Variants in BCAR3 observed in about 807,000 individuals in gnomAD.
The protein encoded by BCAR3 is BCAR3 adaptor protein, NSP family member.
Under a neutral mutation model 80.1 loss-of-function variants are expected in BCAR3, and 37 were observed. The observed-to-expected ratio is 0.46, with a 90% CI of 0.36 to 0.61. The LOEUF (loss-of-function observed/expected upper bound fraction) is 0.61. Among genes scored for constraint, BCAR3 ranks in the 20% least tolerant of loss-of-function variants. The pLI is 0.00. For synonymous variants in BCAR3, 389 were observed against 418.9 expected (o/e 0.93, Z 0.87); for missense variants, 978 against 1,068.2 (o/e 0.92, Z 1.18).
chr1:93,602,894 G>A lies in BCAR3; in HGVS notation c.358-10501C>T, dbSNP rs531447983. Among the ~76,000 whole-genome samples the A allele has an allele frequency of 1.1e-3, 164 of 152,324 alleles. 1 individual carries two copies. The highest frequency in any genetic ancestry group is 3.6e-3 in the African/African-American group (151 of 41,560). On this transcript the variant is annotated intron_variant, in intron 3 of 11. Transcript: ENST00000260502. ...AAGTAGAACAGAAAGAACAGGAATG[G>A]CACTTGTGGCGATCCTAAAGCCTTG... is the stretch of plus-strand genomic sequence containing the variant.
intron 2 of BCAR3, among the ~76,000 whole-genome samples, chr1:93,779,292 T>C (rs574623233): frequency 1.2e-4 from 19 of 152,310 alleles, no homozygotes; most frequent in African/African-American, 4.6e-4. Flanking sequence ...CATTCATTCA[T>C]TCATTTGCCC....
chr1:93,687,908 C>A (rs1363668845), intron 3 of BCAR3, among the ~76,000 whole-genome samples: 2 of 152,124 alleles, frequency 1.3e-5, no homozygotes, highest in Non-Finnish European at 2.9e-5. Flanking sequence ...AAGCTATCAC[C>A]AAGGAAGATC....
chr1:93,652,715 A>G (rs1415429879), intron 2 of BCAR3, among the ~76,000 whole-genome samples: 2 of 151,858 alleles, frequency 1.3e-5, no homozygotes, highest in African/African-American at 4.8e-5. Context: ...GTGCATCTCT[A>G]CTTGCAACGG....
At chr1:93,575,292 C>G (rs770455213) in intron 8 of BCAR3, among the ~76,000 whole-genome samples, 9 of 152,224 alleles carry the variant, frequency 5.9e-5, no homozygotes, top group Non-Finnish European at 1.0e-4. Context: ...GAAAACTTAA[C>G]AAGATAGTCT....
chr1:93,700,283 C>T (rs1372564254), intron 3 of BCAR3, among the ~76,000 whole-genome samples: 3 of 152,168 alleles, frequency 2.0e-5, no homozygotes, highest in Non-Finnish European at 2.9e-5. Context: ...GCCTCCTCCT[C>T]CTGAGCTCAA....
chr1:93,847,685 T>C (rs906652236), upstream of BCAR3: 6 of 152,146 alleles, frequency 3.9e-5, no homozygotes, highest in Admixed American at 2.6e-4. Flanking sequence ...CCCCCTACAA[T>C]TTATTTTCTG....
rs779816516 is a variant in BCAR3 at position 93,562,365 on chromosome 1, C to T, written c.2354G>A (p.Arg785Gln). Residue 785 changes from arginine to glutamine, a missense_variant, in exon 12 of 12, where the codon CGA becomes CAA. Coordinates refer to ENST00000260502, the MANE Select transcript of BCAR3 (RefSeq NM_003567.4). ...NEICKTEFQM[R>Q]LLWGSKGAQV... ...TGCACCTTTGCTGCCCCATAGCAAT[C>T]GCATTTGAAATTCAGTCTTGCAGAT... is the stretch of plus-strand genomic sequence containing the variant. 5.8e-5 allele frequency: 93 copies of T among 1,613,948 alleles called. No homozygotes were observed. Among genetic ancestry groups the T allele is most frequent in the Non-Finnish European group, 7.3e-5 (86 of 1,180,002 alleles).
chr1:93,696,134 A>C (rs1167598558), intron 3 of BCAR3, among the ~76,000 whole-genome samples: 1 of 151,376 alleles, frequency 6.6e-6, no homozygotes, highest in Admixed American at 6.6e-5. Context: ...TTGACCTCCC[A>C]TGCTCAAGCA....
chr1:93,666,689 A>G (rs534751671), intron 2 of BCAR3, among the ~76,000 whole-genome samples: 27 of 152,360 alleles, frequency 1.8e-4, no homozygotes, highest in African/African-American at 6.3e-4. Flanking sequence ...AATCAGGCAA[A>G]GGCTCGGGGC....
intron 9 of BCAR3, among the ~76,000 whole-genome samples, chr1:93,569,115 C>T (rs1014073227): frequency 6.6e-6 from 1 of 152,196 alleles, no homozygotes; most frequent in African/African-American, 2.4e-5. Flanking sequence ...ACCCTAAAAC[C>T]GGCAAGGCTA....
In BCAR3 at chr1:93,567,311, C is replaced by T. The variant is rs753581756; in HGVS notation, c.2267G>A (p.Ser756Asn). ...TARFMAEAAD[S>N]YRMNAERILA... Reference sequence around the variant, plus strand: ...GATCCTCTCAGCATTCATCCGGTAGCTGTCTGCAGCCTCGGCCATGAATCG... The same window carrying T: ...GATCCTCTCAGCATTCATCCGGTAGTTGTCTGCAGCCTCGGCCATGAATCG... Residue 756 changes from serine to asparagine, a missense_variant, in exon 11 of 12, where the codon AGC becomes AAC. Ser to Asn is a conservative substitution (Grantham distance 46, BLOSUM62 1). Coordinates refer to ENST00000260502, the MANE Select transcript of BCAR3 (RefSeq NM_003567.4). 6.8e-6 allele frequency: 11 copies of T among 1,614,070 alleles called. No individual in the cohort carries two copies. In the South Asian group the frequency reaches 9.9e-5, roughly 14 times the overall value.
At chr1:93,786,393 T>C (rs61581292) in intron 2 of BCAR3, among the ~76,000 whole-genome samples, 20,510 of 152,020 alleles carry the variant, frequency 0.13, 2,169 homozygotes, top group African/African-American at 0.28. Context: ...TCTAACTGGC[T>C]AGCTATGTGA....
At chr1:93,742,036 T>C (rs4847256) in intron 2 of BCAR3, among the ~76,000 whole-genome samples, 76,379 of 152,008 alleles carry the variant, frequency 0.5, 19,864 homozygotes, top group East Asian at 0.73. Context: ...CCACATGGTG[T>C]TTCAGTGTAG....
chr1:93,669,698 G>C (rs191134672), intron 2 of BCAR3, among the ~76,000 whole-genome samples: 1 of 152,192 alleles, frequency 6.6e-6, no homozygotes, highest in Non-Finnish European at 1.5e-5. Flanking sequence ...CAGACATCCC[G>C]ACAACAGGAA....
intron 3 of BCAR3, among the ~76,000 whole-genome samples, chr1:93,621,815 G>C (rs1008541537): frequency 6.6e-6 from 1 of 152,104 alleles, no homozygotes; most frequent in Non-Finnish European, 1.5e-5. Flanking sequence ...CACAGATATC[G>C]TTTCACCTCA....
chr1:93,847,526 C>T (rs61750895), upstream of BCAR3: 14,432 of 152,418 alleles, frequency 0.095, 1,392 homozygotes, highest in African/African-American at 0.24. Context: ...AGCGCGGGGC[C>T]GTCGCCTCTG....
rs547237533 is a variant in BCAR3 at position 93,761,399 on chromosome 1, C to T, written c.-62-55257G>A. Among the ~76,000 whole-genome samples the T allele has an allele frequency of 2.0e-5, 3 of 152,338 alleles. No individual in the cohort carries two copies. The South Asian group carries it at 6.2e-4, about 32-fold the overall frequency. Reference sequence around the variant, plus strand: ...CCCTGCTTCTGAAATTCACCCACCCCTTCCCCACTGAGATTAATACCTAAC... The same window carrying T: ...CCCTGCTTCTGAAATTCACCCACCCTTTCCCCACTGAGATTAATACCTAAC... On this transcript the variant is annotated intron_variant, in intron 2 of 13. Transcript: ENST00000370244.
Position 93,571,834 on chromosome 1 carries a change from T to C in BCAR3, c.1810A>G (p.Thr604Ala), listed in dbSNP as rs1291848166. Residue 604 changes from threonine (T) to alanine (A), a missense_variant, in exon 9 of 12, where the codon ACA (threonine) becomes GCA (alanine). Physicochemically the swap from Thr to Ala is moderately conservative, Grantham distance 58. Transcript: ENST00000260502. ...TCCACTGCAATGCCGATGGCCATTGTGTTGTGTCTGAAAGCCAGGAGATCA... is the reference window on the plus strand; with the variant it reads ...TCCACTGCAATGCCGATGGCCATTGCGTTGTGTCTGAAAGCCAGGAGATCA... Reference protein sequence around the residue: ...LRLDIIERHNTMAIGIAVDIL... With the variant: ...LRLDIIERHNAMAIGIAVDIL... The C allele has an allele frequency of 1.2e-6, 2 of 1,612,442 alleles. No individual in the cohort carries two copies. Among genetic ancestry groups the C allele is most frequent in the Non-Finnish European group, 1.7e-6 (2 of 1,178,984 alleles).
chr1:93,653,255 T>G (rs1647210783), intron 2 of BCAR3, among the ~76,000 whole-genome samples: 1 of 152,238 alleles, frequency 6.6e-6, no homozygotes, highest in South Asian at 2.1e-4. Context: ...CAAAATGGAA[T>G]TGTTTGCAAT....
Sources: allele counts gnomAD v4.1 joint callset (sites outside exome capture counted in the v4.1 genomes callset), GRCh38; gene constraint gnomAD v4.1.1; transcripts MANE v1.5; gene names NCBI Gene and HGNC (gene_info 2026-07-23, HGNC 2026-07-21).